RFX3: variants seen among roughly 807,000 people sequenced by gnomAD.
The protein encoded by RFX3 is transcription factor RFX3.
In RFX3, 14 loss-of-function variants were observed where a neutral mutation model predicts 98.6. The ratio of observed to expected loss-of-function variants is 0.14; its 90% CI spans 0.09 to 0.22. RFX3 has a LOEUF of 0.22. RFX3 is among the 10% of genes least tolerant of loss of function. The pLI, the probability that RFX3 is intolerant of heterozygous loss-of-function variation, is 1.00. For synonymous variants in RFX3, 383 were observed against 328.4 expected, an observed-to-expected ratio of 1.17 and a Z score of -1.80; for missense variants, 639 against 926.9, an observed-to-expected ratio of 0.69 and a Z score of 4.03.
chr9:3,398,284 C>G (rs1462591192), intron 1 of RFX3, among the ~76,000 whole-genome samples: 3 of 151,394 alleles, frequency 2.0e-5, no homozygotes, highest in Non-Finnish European at 4.4e-5. Context: ...AGAGAATACA[C>G]AAATTAAGAA....
chr9:3,218,493 C>G lies in RFX3; in HGVS notation c.*6549G>C, dbSNP rs964923687. 6.6e-6 allele frequency: 1 copy of G among 151,996 alleles called. No homozygotes were observed. The highest frequency in any genetic ancestry group is 1.5e-5 in the Non-Finnish European group (1 of 67,980). The allele number at this position is 151,996 out of a possible 1,614,324, so 9.4% of individuals were successfully genotyped here. On this transcript the variant is annotated 3_prime_UTR_variant, in exon 17 of 17. Transcript: ENST00000617270. ...ATATTTTTATAATTATAAAAGTTCC[C>G]CAGTTATTGTACAGTACACAATACA...
At chr9:3,445,824 C>T (rs369303819) in intron 1 of RFX3, among the ~76,000 whole-genome samples, 4 of 152,214 alleles carry the variant, frequency 2.6e-5, no homozygotes, top group South Asian at 4.1e-4. Flanking sequence ...TTTAAAAATG[C>T]AATGCATTTG....
chr9:3,357,273 A>G (rs1040955641), intron 2 of RFX3, among the ~76,000 whole-genome samples: 1 of 152,010 alleles, frequency 6.6e-6, no homozygotes, highest in African/African-American at 2.4e-5. Flanking sequence ...ATAATCATCC[A>G]TTAAAATCTT....
At chr9:3,460,253 C>T (rs916128209) in intron 1 of RFX3, among the ~76,000 whole-genome samples, 3 of 152,092 alleles carry the variant, frequency 2.0e-5, no homozygotes, top group Non-Finnish European at 2.9e-5. Flanking sequence ...AGAAAAGATA[C>T]TAAATCTATT....
chr9:3,490,593 T>C (rs1032589966), intron 1 of RFX3, among the ~76,000 whole-genome samples: 1 of 152,098 alleles, frequency 6.6e-6, no homozygotes, highest in Non-Finnish European at 1.5e-5. Flanking sequence ...CAAAGAACTA[T>C]AATTCAAAGA....
intron 10 of RFX3, 33 bp downstream of exon 10, chr9:3,270,970 T>A: frequency 1.9e-6 from 3 of 1,613,550 alleles, no homozygotes; most frequent in Non-Finnish European, 1.7e-6. Flanking sequence ...TACTCAGCCA[T>A]GAAAATGAAT....
intron 4 of RFX3, among the ~76,000 whole-genome samples, chr9:3,328,617 G>T (rs140734341): frequency 2.0e-5 from 3 of 152,234 alleles, no homozygotes; most frequent in East Asian, 3.9e-4. Context: ...GCTCAGAACA[G>T]CTAGTCATCT....
intron 1 of RFX3, among the ~76,000 whole-genome samples, chr9:3,482,800 TTA>T (rs1039012820): frequency 9.2e-5 from 14 of 152,246 alleles, no homozygotes; most frequent in African/African-American, 3.1e-4. Flanking sequence ...GTGTGCTATA[TTA>T]TATGTCTTTG....
intron 15 of RFX3, among the ~76,000 whole-genome samples, chr9:3,237,518 A>C (rs181593694): frequency 2.2e-3 from 337 of 152,312 alleles, no homozygotes; most frequent in Admixed American, 3.5e-3. Context: ...TGGTATTTAA[A>C]AATCTAATCC....
At chr9:3,242,489 C>G (rs1325601523) in intron 15 of RFX3, among the ~76,000 whole-genome samples, 1 of 151,876 alleles carries the variant, frequency 6.6e-6, no homozygotes, top group African/African-American at 2.4e-5. Flanking sequence ...TATTGTTCAA[C>G]AGGCACATTT....
rs10971471 is a variant in RFX3 at position 3,342,235 on chromosome 9, G to A, written c.215+4432C>T. ...ATTACTCAGGTACAAGTATTCTCTG[G>A]TTCTATGCATTTCTATAGGACTTTT... is the stretch of plus-strand genomic sequence containing the variant. On this transcript the variant is annotated intron_variant, in intron 3 of 16. Coordinates refer to ENST00000617270, the MANE Select transcript of RFX3 (RefSeq NM_001282116.2). 6.1e-4 allele frequency among the ~76,000 whole-genome samples: 93 copies of A among 152,166 alleles called. 3 individuals carry two copies. The East Asian group carries it at 0.014, about 24-fold the overall frequency.
In RFX3 at chr9:3,250,666, G is replaced by C. The variant is rs1821270846; in HGVS notation, c.1815-2481C>G. 2.6e-5 allele frequency among the ~76,000 whole-genome samples: 4 copies of C among 151,218 alleles called. No homozygotes were observed. The South Asian group carries it at 8.3e-4, about 31-fold the overall frequency. The stretch of plus-strand genomic sequence containing the variant: ...CAATATTTCTACTAATGAGAAACTA[G>C]GAAAAGAAAGTAAATATCATTAAAA... On this transcript the variant is annotated intron_variant, in intron 14 of 16. Transcript: ENST00000617270.
chr9:3,519,526 A>G (rs1818496786), intron 1 of RFX3, among the ~76,000 whole-genome samples: 1 of 152,234 alleles, frequency 6.6e-6, no homozygotes, highest in Admixed American at 6.5e-5. Flanking sequence ...TATTGTGTCA[A>G]ATACTGAGCA....
At chr9:3,332,098 CTAAA>C (rs1192080946) in intron 3 of RFX3, among the ~76,000 whole-genome samples, 5 of 152,180 alleles carry the variant, frequency 3.3e-5, no homozygotes, top group African/African-American at 4.8e-5. Flanking sequence ...ATGTTATCTT[CTAAA>C]TAATTTTCCA....
chr9:3,461,807 A>G (rs1387413341), intron 1 of RFX3, among the ~76,000 whole-genome samples: 1 of 151,974 alleles, frequency 6.6e-6, no homozygotes, highest in Non-Finnish European at 1.5e-5. Context: ...TTTAATTTGC[A>G]TATCAATTTT....
Position 3,325,600 on chromosome 9 carries a change from A to T in RFX3, c.474+4659T>A, listed in dbSNP as rs74539913. Among the ~76,000 whole-genome samples, 1,239 of 152,206 alleles carry T rather than the reference A, an allele frequency of 8.1e-3. 11 individuals are homozygous for T. Among genetic ancestry groups the T allele is most frequent in the African/African-American group, 0.028 (1,170 of 41,574 alleles). ...TAATCTTAAGTATTAAGAAGAATTTAAAAAACTCATACATAACCATCTAAT... is the reference window on the plus strand; with the variant it reads ...TAATCTTAAGTATTAAGAAGAATTTTAAAAACTCATACATAACCATCTAAT... On this transcript the variant is annotated intron_variant, in intron 4 of 16. Coordinates refer to ENST00000617270, the MANE Select transcript of RFX3 (RefSeq NM_001282116.2).
chr9:3,336,185 C>T (rs1015674611), intron 3 of RFX3, among the ~76,000 whole-genome samples: 1 of 151,998 alleles, frequency 6.6e-6, no homozygotes, highest in Non-Finnish European at 1.5e-5. Context: ...GATATGGTGA[C>T]CATTATCTCA....
chr9:3,336,740 C>T (rs895211611), intron 3 of RFX3, among the ~76,000 whole-genome samples: 1 of 152,126 alleles, frequency 6.6e-6, no homozygotes, highest in African/African-American at 2.4e-5. Context: ...ATTTTCTTAA[C>T]TGCAGGCCAT....
intron 1 of RFX3, among the ~76,000 whole-genome samples, chr9:3,433,011 C>A (rs1844788159): frequency 6.6e-6 from 1 of 152,056 alleles, no homozygotes; most frequent in African/African-American, 2.4e-5. Flanking sequence ...CCCATGTATA[C>A]CTAAATCAAT....
Sources: gnomAD v4.1 joint callset for allele counts (sites outside exome capture counted in the v4.1 genomes callset) on GRCh38, gnomAD v4.1.1 for gene constraint, MANE v1.5 for transcripts, NCBI Gene and HGNC (gene_info 2026-07-23, HGNC 2026-07-21) for gene names.